FGGY: variants seen among roughly 807,000 people sequenced by gnomAD.
FGGY encodes the protein FGGY carbohydrate kinase domain-containing protein.
A neutral mutation model predicts 71.3 loss-of-function variants in FGGY; 72 were observed. The ratio of observed to expected loss-of-function variants is 1.01; its 90% CI spans 0.84 to 1.23. FGGY has a LOEUF of 1.23. Among genes scored for constraint, FGGY ranks in the 50% most tolerant of loss-of-function variants. The pLI is 0.00. For missense variants in FGGY, 668 were observed against 682.3 expected, an observed-to-expected ratio of 0.98 and a Z score of 0.23; for synonymous variants, 251 against 250.3, an observed-to-expected ratio of 1.00 and a Z score of -0.02.
At chr1:59,677,924 A>G (rs1015590839) in intron 14 of FGGY, among the ~76,000 whole-genome samples, 1 of 141,416 alleles carries the variant, frequency 7.1e-6, no homozygotes, top group Non-Finnish European at 1.6e-5. Flanking sequence ...TCTTCTTACT[A>G]TTTCTTTGTC....
intron 14 of FGGY, among the ~76,000 whole-genome samples, chr1:59,707,592 C>T (rs2097765558): frequency 6.6e-6 from 1 of 152,234 alleles, no homozygotes; most frequent in Non-Finnish European, 1.5e-5. Context: ...AAAACACAGC[C>T]ATAAATAGTT....
At chr1:59,676,620 T>C (rs940085405) in intron 14 of FGGY, among the ~76,000 whole-genome samples, 1 of 152,166 alleles carries the variant, frequency 6.6e-6, no homozygotes, top group Admixed American at 6.5e-5. Flanking sequence ...ACTGACATCT[T>C]GACTACATGA....
chr1:59,376,073 A>G (rs572495412), intron 4 of FGGY, among the ~76,000 whole-genome samples: 1 of 152,184 alleles, frequency 6.6e-6, no homozygotes, highest in East Asian at 1.9e-4. Context: ...ATATGGAAAT[A>G]GATTTCAGGG....
At chr1:59,735,745 A>G (rs996532433) in intron 14 of FGGY, among the ~76,000 whole-genome samples, 3 of 152,242 alleles carry the variant, frequency 2.0e-5, no homozygotes, top group Admixed American at 2.0e-4. Context: ...TTCTGCCATC[A>G]CAGTAAGCTG....
intron 11 of FGGY, among the ~76,000 whole-genome samples, chr1:59,644,019 A>G (rs1020390004): frequency 6.6e-6 from 1 of 152,206 alleles, no homozygotes; most frequent in Admixed American, 6.5e-5. Flanking sequence ...ATAGTGAACC[A>G]TGTTCCTTAA....
At chr1:59,390,083 A>G (rs1329250388) in intron 5 of FGGY, among the ~76,000 whole-genome samples, 2 of 152,204 alleles carry the variant, frequency 1.3e-5, no homozygotes, top group African/African-American at 2.4e-5. Flanking sequence ...AAGTTCTAGG[A>G]AGGATTCAGT....
chr1:59,704,013 A>T lies in FGGY; in HGVS notation c.1512+29880A>T, dbSNP rs2097732137. ...GTACATGTTTTATCAAGATGACAAG[A>T]ATCACTCTGGTTCATGATTCAAAAG... is the stretch of plus-strand genomic sequence containing the variant. On this transcript the variant is annotated intron_variant, in intron 14 of 15. Coordinates refer to ENST00000303721, the MANE Select transcript of FGGY (RefSeq NM_018291.5). 2.0e-5 allele frequency among the ~76,000 whole-genome samples: 3 copies of T among 152,186 alleles called. No homozygotes were observed. In the South Asian group the frequency reaches 6.2e-4, roughly 31 times the overall value.
chr1:59,541,484 A>T (rs534798117), intron 7 of FGGY, among the ~76,000 whole-genome samples: 3 of 152,256 alleles, frequency 2.0e-5, no homozygotes, highest in Admixed American at 6.5e-5. Flanking sequence ...TGTCTGGCCT[A>T]GTTACTGCCT....
intron 9 of FGGY, among the ~76,000 whole-genome samples, chr1:59,619,020 T>C (rs2096783900): frequency 6.6e-6 from 1 of 152,118 alleles, no homozygotes; most frequent in South Asian, 2.1e-4. Flanking sequence ...CTACACAACT[T>C]CCTAATTGGC....
chr1:59,471,136 G>C (rs1053806378), intron 6 of FGGY, among the ~76,000 whole-genome samples: 2 of 152,166 alleles, frequency 1.3e-5, no homozygotes, highest in African/African-American at 4.8e-5. Flanking sequence ...GGGGAGACTT[G>C]GTGGGAGGTG....
chr1:59,693,424 C>T (rs2154005622), intron 14 of FGGY, among the ~76,000 whole-genome samples: 1 of 152,318 alleles, frequency 6.6e-6, no homozygotes, highest in Middle Eastern at 3.4e-3. Flanking sequence ...TGGCACCTCC[C>T]TCATAAGGTC....
intron 6 of FGGY, among the ~76,000 whole-genome samples, chr1:59,498,455 A>G (rs1173417052): frequency 6.6e-6 from 1 of 152,180 alleles, no homozygotes; most frequent in East Asian, 1.9e-4. Context: ...TCCACTTTAT[A>G]ACATTGACCA....
chr1:59,612,583 A>T (rs1380416955), intron 9 of FGGY, among the ~76,000 whole-genome samples: 1 of 152,232 alleles, frequency 6.6e-6, no homozygotes, highest in Non-Finnish European at 1.5e-5. Context: ...AAGAAACTGC[A>T]TCAACTAACA....
intron 11 of FGGY, among the ~76,000 whole-genome samples, chr1:59,653,561 C>G (rs1422814360): frequency 6.6e-6 from 1 of 152,198 alleles, no homozygotes; most frequent in East Asian, 1.9e-4. Context: ...AAGGGAACTC[C>G]CTGACCCCTT....
chr1:59,536,219 G>T (rs1277506144), intron 7 of FGGY, among the ~76,000 whole-genome samples: 3 of 151,982 alleles, frequency 2.0e-5, no homozygotes, highest in Non-Finnish European at 4.4e-5. Context: ...AAATAAACTA[G>T]AAAATCTAGA....
At chr1:59,375,481 G>T (rs1008987591) in intron 4 of FGGY, among the ~76,000 whole-genome samples, 13 of 152,108 alleles carry the variant, frequency 8.5e-5, no homozygotes, top group Non-Finnish European at 1.9e-4. Context: ...ATACTTAAGA[G>T]TACCTCAGAC....
intron 14 of FGGY, among the ~76,000 whole-genome samples, chr1:59,735,199 C>T (rs34409477): frequency 0.065 from 9,853 of 152,210 alleles, 434 homozygotes; most frequent in Middle Eastern, 0.11. Context: ...CCTCTCCAAC[C>T]CCACCCCACT....
intron 7 of FGGY, among the ~76,000 whole-genome samples, chr1:59,543,891 G>C (rs534623623): frequency 6.6e-6 from 1 of 152,148 alleles, no homozygotes; most frequent in South Asian, 2.1e-4. Flanking sequence ...CATTTGTCTA[G>C]GGGCAAGAGA....
intron 14 of FGGY, among the ~76,000 whole-genome samples, chr1:59,736,192 C>T (rs991969110): frequency 6.6e-6 from 1 of 152,118 alleles, no homozygotes; most frequent in Non-Finnish European, 1.5e-5. Context: ...GCCTCCCAGC[C>T]ATATGGAACT....
Sources: allele counts gnomAD v4.1 joint callset (sites outside exome capture counted in the v4.1 genomes callset), GRCh38; gene constraint gnomAD v4.1.1; transcripts MANE v1.5; gene names NCBI Gene and HGNC (gene_info 2026-07-23, HGNC 2026-07-21).